The following RNF157 variants were observed in gnomAD, a reference collection of about 807,000 sequenced individuals.
The protein encoded by RNF157 is E3 ubiquitin ligase RNF157.
A neutral mutation model predicts 88.3 loss-of-function variants in RNF157; 55 were observed. That is an observed-to-expected ratio of 0.62 (90% confidence interval 0.50 to 0.78). The LOEUF is 0.78. RNF157 is among the 30% of genes least tolerant of loss of function. The pLI, the probability that RNF157 is intolerant of heterozygous loss-of-function variation, is 0.00. For synonymous variants in RNF157, 334 were observed against 341.2 expected (o/e 0.98, Z 0.23); for missense variants, 788 against 860.8 (o/e 0.92, Z 1.06).
chr17:76,161,385 T>A lies in RNF157; in HGVS notation c.1065+150A>T. 1.5e-6 allele frequency: 1 copy of A among 662,760 alleles called. No homozygotes were observed. Among genetic ancestry groups the A allele is most frequent in the Non-Finnish European group, 2.6e-6 (1 of 379,224 alleles). The allele number at this position is 662,760 out of a possible 1,614,324, so 41.1% of individuals were successfully genotyped here. Reference sequence around the variant, plus strand: ...CAATTTTCCACAGTAATAAGTTGGTTTTAACGCATGCTCTCAGCCGGCTTG... The same window carrying A: ...CAATTTTCCACAGTAATAAGTTGGTATTAACGCATGCTCTCAGCCGGCTTG... On this transcript the variant is annotated intron_variant, in intron 11 of 18. Transcript: ENST00000269391. This position sits in a 1 kb window ranked among gnomAD's most constrained non-coding sequence, Gnocchi z 4.6.
intron 2 of RNF157, among the ~76,000 whole-genome samples, chr17:76,180,119 T>C (rs894681319): frequency 6.6e-6 from 1 of 152,184 alleles, no homozygotes; most frequent in Non-Finnish European, 1.5e-5. Flanking sequence ...AGCTTTCTGA[T>C]CTCTTACCTC....
chr17:76,168,067 T>C (rs2068956491), intron 3 of RNF157, among the ~76,000 whole-genome samples: 1 of 152,194 alleles, frequency 6.6e-6, no homozygotes, highest in South Asian at 2.1e-4. Context: ...ATAGTTTAAA[T>C]AGTTTCCTCA....
At position 76,202,111 on chromosome 17, in the gene RNF157, T is replaced by TTCTCTC. The variant is rs374396479; in HGVS notation, c.207+10247_207+10252dup. ...AAAAGGCAAATAACCCAATCTCAGTTTCTCTCTCTCTCTCTCTCACACACA... is the reference window on the plus strand; with the variant it reads ...AAAAGGCAAATAACCCAATCTCAGTTTCTCTCTCTCTCTCTCTCTCTCTCACACACA... On this transcript the variant is annotated intron_variant, in intron 2 of 18. Coordinates refer to ENST00000269391, the MANE Select transcript of RNF157 (RefSeq NM_052916.3). Among the ~76,000 whole-genome samples, 1,221 of 133,896 alleles carry TTCTCTC rather than the reference T, an allele frequency of 9.1e-3. 25 individuals are homozygous for TTCTCTC. Among genetic ancestry groups the TTCTCTC allele is most frequent in the African/African-American group, 0.025 (809 of 32,352 alleles). 87.8% of individuals were successfully genotyped at this position (133,896 alleles called of 152,430 possible). A position where few individuals can be genotyped will look rare whatever the true frequency, so the allele number is the denominator to read the frequency against.
intron 2 of RNF157, among the ~76,000 whole-genome samples, chr17:76,207,875 C>T (rs1169420302): frequency 6.6e-6 from 1 of 152,160 alleles, no homozygotes; most frequent in Non-Finnish European, 1.5e-5. Context: ...ACATGGAATA[C>T]GAACTCTGAA....
intron 11 of RNF157, 78 bp from the exon 12 acceptor site, chr17:76,159,651 C>T: frequency 9.6e-7 from 1 of 1,043,310 alleles, no homozygotes; most frequent in East Asian, 2.4e-5. Context: ...CTTCTCTACA[C>T]TGAAAAAAAT....
At chr17:76,189,291 C>T (rs1278063430) in intron 2 of RNF157, among the ~76,000 whole-genome samples, 1 of 152,188 alleles carries the variant, frequency 6.6e-6, no homozygotes, top group Non-Finnish European at 1.5e-5. Context: ...TATATGGCAA[C>T]TCTGTTATCT....
At chr17:76,193,580 G>A (rs2069422315) in intron 2 of RNF157, among the ~76,000 whole-genome samples, 1 of 149,182 alleles carries the variant, frequency 6.7e-6, no homozygotes, top group Non-Finnish European at 1.5e-5. Flanking sequence ...TTCTACCATA[G>A]TGACTGAAAG....
At chr17:76,230,411 A>G (rs2070166892) in intron 1 of RNF157, among the ~76,000 whole-genome samples, 2 of 152,196 alleles carry the variant, frequency 1.3e-5, no homozygotes, top group African/African-American at 4.8e-5. Flanking sequence ...AACACTGAAC[A>G]TGTGCTCTAT....
rs923901871 is a variant in RNF157, at chr17:76,146,551, C to T, written c.1922-1198G>A. ...GGGGTAGGGAAGGCATGTCGTCCTC[C>T]GGACCCTGTGGGCCTCCCCAGCCGT... is the stretch of plus-strand genomic sequence containing the variant. On this transcript the variant is annotated intron_variant, in intron 18 of 18. Transcript: ENST00000269391. This position sits in a 1 kb window ranked among gnomAD's most constrained non-coding sequence, Gnocchi z 4.2. 16 of 985,334 alleles carry T rather than the reference C, an allele frequency of 1.6e-5. No individual in the cohort carries two copies. The East Asian group carries it at 7.9e-4, about 49-fold the overall frequency. 61.0% of individuals were successfully genotyped at this position (985,334 alleles called of 1,614,324 possible).
In RNF157 at chr17:76,155,658, G is replaced by A; in HGVS notation, c.1602C>T (p.Ser534=). Residue 534 remains serine (S), a synonymous_variant, in exon 15 of 19, where the codon TCC becomes TCT. Coordinates refer to ENST00000269391, the MANE Select transcript of RNF157 (RefSeq NM_052916.3). Reference sequence around the variant, plus strand: ...CAGGGGCGATGTAGGAGCCAGACATGGAGGAGACGGTGTCAGTGCTGATCT... The same window carrying A: ...CAGGGGCGATGTAGGAGCCAGACATAGAGGAGACGGTGTCAGTGCTGATCT... ...SSQISTDTVS[S]MSGSYIAPGT... 3 of 1,613,790 alleles carry A rather than the reference G, an allele frequency of 1.9e-6. No homozygotes were observed. The highest frequency in any genetic ancestry group is 1.7e-5 in the Admixed American group (1 of 59,942).
chr17:76,154,483 A>T, intron 16 of RNF157, 155 bp from the exon 17 acceptor site: 1 of 649,000 alleles, frequency 1.5e-6, no homozygotes. Flanking sequence ...TCAGAGGCTG[A>T]GTAGAGGCAG....
chr17:76,176,736 G>A lies in RNF157; in HGVS notation c.208-2946C>T, dbSNP rs552320453. 6.6e-6 allele frequency among the ~76,000 whole-genome samples: 1 copy of A among 152,348 alleles called. No individual in the cohort carries two copies. Among genetic ancestry groups the A allele is most frequent in the South Asian group, 2.1e-4 (1 of 4,826 alleles). ...GAAGAGCAGCGCGGTAGGGCAAAGA[G>A]GAGCCCCGAGGCGGAGCTGGGCCTT... On this transcript the variant is annotated intron_variant, in intron 2 of 18. Transcript: ENST00000269391. The surrounding 1 kb of genome is among the most constrained non-coding windows in gnomAD (Gnocchi z 4.2).
chr17:76,224,579 G>A (rs577366432), intron 1 of RNF157, among the ~76,000 whole-genome samples: 2 of 152,206 alleles, frequency 1.3e-5, no homozygotes, highest in South Asian at 4.1e-4. Flanking sequence ...CTACAGTGCT[G>A]CTTTTGTTCT....
chr17:76,212,541 T>TAA lies in RNF157; in HGVS notation c.89-61_89-60dup, dbSNP rs35372072. The TAA allele has an allele frequency of 7.1e-3, 6,219 of 873,424 alleles. 1 individual carries two copies. The highest frequency in any genetic ancestry group is 0.012 in the East Asian group (405 of 34,634). 54.1% of individuals were successfully genotyped at this position (873,424 alleles called of 1,614,324 possible). On this transcript the variant is annotated intron_variant, in intron 1 of 18. Coordinates refer to ENST00000269391, the MANE Select transcript of RNF157 (RefSeq NM_052916.3). ...CAGAAAACAGTCAACCTAAATCTAGTAAAAAAAAAAAGCTGATTTTTAAAA... is the reference window on the plus strand; with the variant it reads ...CAGAAAACAGTCAACCTAAATCTAGTAAAAAAAAAAAAAGCTGATTTTTAAAA...
intron 2 of RNF157, among the ~76,000 whole-genome samples, chr17:76,207,479 G>A (rs1197302433): frequency 2.0e-5 from 3 of 152,054 alleles, no homozygotes; most frequent in Admixed American, 6.6e-5. Context: ...GATCTGTGGT[G>A]CGAAGTACAG....
intron 2 of RNF157, among the ~76,000 whole-genome samples, chr17:76,190,657 C>T (rs1368268481): frequency 1.3e-5 from 2 of 150,930 alleles, no homozygotes; most frequent in East Asian, 2.0e-4. Flanking sequence ...TGATGGCTCA[C>T]GCCTGTAATC....
intron 8 of RNF157, 64 bp downstream of exon 8, chr17:76,164,680 GAAGA>G (rs1458266788): frequency 1.8e-5 from 16 of 886,276 alleles, no homozygotes; most frequent in Non-Finnish European, 2.6e-5. Flanking sequence ...GGAGAGAGAA[GAAGA>G]AAGGAAAGAA....
chr17:76,173,620 T>C (rs2069054402), intron 3 of RNF157, 82 bp downstream of exon 3: 3 of 1,080,398 alleles, frequency 2.8e-6, no homozygotes, highest in Admixed American at 4.3e-5. Flanking sequence ...GCTGTATGAG[T>C]TCCTTGGGAA....
rs1033718906 is a variant in RNF157 at position 76,240,469 on chromosome 17, G to A, written c.-229C>T. 5 of 146,614 alleles carry A rather than the reference G, an allele frequency of 3.4e-5. No homozygotes were observed. The highest frequency in any genetic ancestry group is 1.2e-4 in the African/African-American group (5 of 40,840). The allele number at this position is 146,614 out of a possible 1,614,324, so 9.1% of individuals were successfully genotyped here. On this transcript the variant is annotated 5_prime_UTR_variant, in exon 1 of 19. Transcript: ENST00000269391. This position sits in a 1 kb window ranked among gnomAD's most constrained non-coding sequence, Gnocchi z 4.4. ...AGGGGGCTGCGGGTCTGGGCCGGGG[G>A]CGCCGCCGCCGCCTCAGGCCGCGTG...
Sources: allele counts gnomAD v4.1 joint callset (sites outside exome capture counted in the v4.1 genomes callset), GRCh38; gene constraint gnomAD v4.1.1; non-coding constraint Gnocchi (gnomAD v3.1); transcripts MANE v1.5; gene names NCBI Gene and HGNC (gene_info 2026-07-23, HGNC 2026-07-21).